Variants in ABCA12 observed in about 807,000 individuals in gnomAD.
The protein encoded by ABCA12 is glucosylceramide transporter ABCA12.
Under a neutral mutation model 293.5 loss-of-function variants are expected in ABCA12, and 156 were observed. The ratio of observed to expected loss-of-function variants is 0.53; its 90% CI spans 0.47 to 0.61. The LOEUF (loss-of-function observed/expected upper bound fraction) is 0.61. Among genes scored for constraint, ABCA12 ranks in the 20% least tolerant of loss-of-function variants. The pLI is 0.00. For missense variants in ABCA12, 2,797 were observed against 3,090.2 expected (o/e 0.91, Z 2.25); for synonymous variants, 1,063 against 1,108.0 (o/e 0.96, Z 0.81).
chr2:215,047,604 A>G (rs1053082141), intron 6 of ABCA12, among the ~76,000 whole-genome samples: 2 of 152,154 alleles, frequency 1.3e-5, no homozygotes, highest in African/African-American at 4.8e-5. Context: ...AACTGGTTAC[A>G]CCATACACAA....
intron 44 of ABCA12, 103 bp from the exon 45 acceptor site, chr2:214,951,186 A>C (rs1423829460): frequency 3.0e-6 from 3 of 993,434 alleles, no homozygotes. Context: ...TGTACTAGTC[A>C]TCATTAGACT....
chr2:214,984,699 G>A (rs184061657), intron 28 of ABCA12, among the ~76,000 whole-genome samples: 5 of 152,130 alleles, frequency 3.3e-5, no homozygotes, highest in Admixed American at 6.5e-5. Flanking sequence ...CTGGTTGCAC[G>A]AGACTGGAAT....
Position 215,041,449 on chromosome 2 carries a change from G to C in ABCA12, c.873-4384C>G, listed in dbSNP as rs187526890. On this transcript the variant is annotated intron_variant, in intron 7 of 52. Transcript: ENST00000272895. ...TGCCTGTAGTCCCAGCTACTCGGGA[G>C]GCTAAGGCAGAAGAATCGCTTGAAC... Among the ~76,000 whole-genome samples, 16 of 151,900 alleles carry C rather than the reference G, an allele frequency of 1.1e-4. No individual in the cohort carries two copies. In the East Asian group the frequency reaches 3.1e-3, roughly 29 times the overall value.
intron 2 of ABCA12, among the ~76,000 whole-genome samples, chr2:215,067,097 C>A (rs1261353679): frequency 2.6e-5 from 4 of 151,948 alleles, no homozygotes; most frequent in African/African-American, 7.3e-5. Context: ...ATTCTTTTCC[C>A]ATCTCAGTTA....
At chr2:215,041,422 C>G (rs1040235486) in intron 7 of ABCA12, among the ~76,000 whole-genome samples, 1 of 152,008 alleles carries the variant, frequency 6.6e-6, no homozygotes, top group African/African-American at 2.4e-5. Flanking sequence ...CATGGTGGCA[C>G]GTGCCTGTAG....
intron 2 of ABCA12, chr2:215,082,882 T>C (rs972322243): frequency 6.6e-6 from 1 of 152,236 alleles, no homozygotes; most frequent in Admixed American, 6.5e-5. Context: ...TCACGAATAA[T>C]ATCCTTTTGA....
intron 45 of ABCA12, among the ~76,000 whole-genome samples, chr2:214,950,670 A>T (rs189862732): frequency 3.3e-3 from 502 of 151,730 alleles, no homozygotes; most frequent in Non-Finnish European, 5.5e-3. Context: ...ATGCCTAGCT[A>T]ATTTTTCTAT....
chr2:215,066,397 T>C (rs1701640895), intron 2 of ABCA12, among the ~76,000 whole-genome samples: 1 of 151,448 alleles, frequency 6.6e-6, no homozygotes, highest in Admixed American at 6.6e-5. Flanking sequence ...CAGGCAGTAC[T>C]GAAAAAAATG....
At chr2:215,054,490 G>A in intron 4 of ABCA12, 83 bp downstream of exon 4, 2 of 1,217,266 alleles carry the variant, frequency 1.6e-6, no homozygotes, top group Non-Finnish European at 2.4e-6. Flanking sequence ...TGTTTGAAAA[G>A]TTTAAAGTAT....
chr2:215,084,488 G>C (rs1702002037), intron 2 of ABCA12, among the ~76,000 whole-genome samples: 2 of 152,052 alleles, frequency 1.3e-5, no homozygotes, highest in Admixed American at 6.6e-5. Flanking sequence ...ATATAAAACT[G>C]GACAAAGTAC....
chr2:214,950,946 G>C lies in ABCA12; in HGVS notation c.6785C>G (p.Thr2262Ser). 6.2e-7 allele frequency: 1 copy of C among 1,614,128 alleles called. No individual in the cohort carries two copies. Reference sequence around the variant, plus strand: ...AATCTTTTTGTGGATAAGTTGGTAGGTCTTTGTGAGACAATAAAGTTGGAC... The same window carrying C: ...AATCTTTTTGTGGATAAGTTGGTAGCTCTTTGTGAGACAATAAAGTTGGAC... ...DLVQLYCLTK[T>S]YQLIHKKIIA... The change falls in exon 45 of 53, where the codon ACC becomes AGC. Residue 2262 changes from threonine to serine, a missense_variant. Coordinates refer to ENST00000272895, the MANE Select transcript of ABCA12 (RefSeq NM_173076.3).
At chr2:215,051,818 A>G (rs1309295767) in intron 5 of ABCA12, among the ~76,000 whole-genome samples, 1 of 152,146 alleles carries the variant, frequency 6.6e-6, no homozygotes, top group Non-Finnish European at 1.5e-5. Context: ...TAATCTGGCC[A>G]GATGAAAGAC....
chr2:214,955,574 T>C (rs1698921120), intron 42 of ABCA12, among the ~76,000 whole-genome samples: 1 of 152,126 alleles, frequency 6.6e-6, no homozygotes, highest in South Asian at 2.1e-4. Context: ...CCCTGGTTAT[T>C]TGGGAGGCTG....
At chr2:215,011,823 G>A (rs769803209) in intron 16 of ABCA12, 148 bp downstream of exon 16, 53 of 1,152,938 alleles carry the variant, frequency 4.6e-5, no homozygotes, top group Middle Eastern at 2.0e-4. Context: ...AATTAAAGTG[G>A]CAAAAAGTGT....
chr2:214,955,317 T>C lies in ABCA12; in HGVS notation c.6278A>G (p.His2093Arg). The C allele has an allele frequency of 3.1e-6, 5 of 1,614,144 alleles. No individual in the cohort carries two copies. The highest frequency in any genetic ancestry group is 3.4e-6 in the Non-Finnish European group (4 of 1,179,998). The stretch of plus-strand genomic sequence containing the variant: ...AGTGATGAAGGCCATTCCTGTTTCA[T>C]GGAAGAGCCCAGCCAGCAAGTACAT... ...SWMYLLAGLF[H>R]ETGMAFITYV... Residue 2093 changes from histidine to arginine, a missense_variant, in exon 43 of 53, where the codon CAT (histidine) becomes CGT (arginine). Transcript: ENST00000272895.
chr2:214,988,772 G>A (rs1410143565), intron 26 of ABCA12, among the ~76,000 whole-genome samples: 2 of 152,196 alleles, frequency 1.3e-5, no homozygotes, highest in East Asian at 3.9e-4. Context: ...AGGAATATCC[G>A]AGAGGAAATT....
At chr2:215,017,348 C>T (rs1422197968) in intron 14 of ABCA12, among the ~76,000 whole-genome samples, 1 of 152,138 alleles carries the variant, frequency 6.6e-6, no homozygotes, top group African/African-American at 2.4e-5. Flanking sequence ...GAGTGGAAAA[C>T]CCTATTACCA....
At chr2:215,105,243 A>G (rs1255600198) in intron 2 of ABCA12, among the ~76,000 whole-genome samples, 1 of 152,162 alleles carries the variant, frequency 6.6e-6, no homozygotes, top group Non-Finnish European at 1.5e-5. Context: ...AACAAGAGAG[A>G]TATAAAGGAA....
chr2:215,052,583 G>C lies in ABCA12; in HGVS notation c.411C>G (p.Ala137=). ...CAGAACTTGGACTGGGAAATACTGT[G>C]GCTGTAATCAAAGAAGGAACAGATT... ...QVPERRHASL[A]TVFPSPSSDL... is the part of the protein sequence containing the mutation. Residue 137 remains alanine (A), a splice_region_variant and synonymous_variant, in exon 5 of 53, where the codon GCC becomes GCG. Coordinates refer to ENST00000272895, the MANE Select transcript of ABCA12 (RefSeq NM_173076.3). 3 of 1,611,084 alleles carry C rather than the reference G, an allele frequency of 1.9e-6. No homozygotes were observed. The highest frequency in any genetic ancestry group is 2.5e-6 in the Non-Finnish European group (3 of 1,177,726).
Sources: gnomAD v4.1 joint callset for allele counts (sites outside exome capture counted in the v4.1 genomes callset) on GRCh38, gnomAD v4.1.1 for gene constraint, MANE v1.5 for transcripts, NCBI Gene and HGNC (gene_info 2026-07-23, HGNC 2026-07-21) for gene names.